Variants in PUSL1 observed in about 807,000 individuals in gnomAD.
PUSL1 encodes tRNA pseudouridine synthase-like 1.
A neutral mutation model predicts 30.7 loss-of-function variants in PUSL1; 51 were observed. That is an observed-to-expected ratio of 1.66 (90% CI 1.33 to 2.10). The LOEUF (loss-of-function observed/expected upper bound fraction) is 2.10, where lower values mean the gene tolerates loss of function less well. PUSL1 is among the 30% of genes most tolerant of loss of function. PUSL1 has a pLI of 0.00. For synonymous variants in PUSL1, 290 were observed against 192.1 expected, an observed-to-expected ratio of 1.51 and a Z score of -4.21; for missense variants, 609 against 427.6, an observed-to-expected ratio of 1.42 and a Z score of -3.74.
At chr1:1,309,998 C>T (rs1398182763) in intron 5 of PUSL1, 147 bp downstream of exon 5, 4 of 603,122 alleles carry the variant, frequency 6.6e-6, no homozygotes, top group African/African-American at 5.7e-5. Context: ...GGGATTCGCC[C>T]GGACGCCCCC....
At chr1:1,310,377 C>A in intron 5 of PUSL1, 1 of 517,282 alleles carries the variant, frequency 1.9e-6, no homozygotes, top group Non-Finnish European at 3.5e-6. Flanking sequence ...AGGGCAAGCC[C>A]CTCTGGGATG....
Position 1,308,689 on chromosome 1 carries a change from G to A in PUSL1, c.46G>A (p.Val16Met). ...ASGSVRARYL[V>M]YFQYVGTDFN... The stretch of plus-strand genomic sequence containing the variant: ...AGGCTCCGTGCGCGCGCGCTATCTT[G>A]TGTACTTCCAGTACGTGGGCACCGA... Residue 16 changes from valine (V) to methionine (M), a missense_variant, in exon 1 of 8, where the codon GTG (valine) becomes ATG (methionine). Physicochemically the swap from Val to Met is conservative, Grantham distance 21 (BLOSUM62 1). Transcript: ENST00000379031. 11 of 1,557,092 alleles carry A rather than the reference G, an allele frequency of 7.1e-6. No individual in the cohort carries two copies. The highest frequency in any genetic ancestry group is 8.7e-6 in the Non-Finnish European group (10 of 1,155,404).
At chr1:1,309,884 C>G (rs1003249853) in intron 5 of PUSL1, 33 bp downstream of exon 5, 5 of 1,445,940 alleles carry the variant, frequency 3.5e-6, no homozygotes, top group Non-Finnish European at 4.6e-6. Context: ...TGGCCCTGCC[C>G]TCAAGTCACG....
rs1054267100 is a variant in PUSL1, at chr1:1,311,414, G to A, written c.*35G>A. The A allele has an allele frequency of 1.9e-6, 3 of 1,588,690 alleles. No homozygotes were observed. The highest frequency in any genetic ancestry group is 2.7e-5 in the African/African-American group (2 of 74,728). Reference sequence around the variant, plus strand: ...CTCAAGCCAAAGTTAGGCCACACCAGGCCCAACCCTGTGCTGGTCAAGCCA... The same window carrying A: ...CTCAAGCCAAAGTTAGGCCACACCAAGCCCAACCCTGTGCTGGTCAAGCCA... On this transcript the variant is annotated 3_prime_UTR_variant, in exon 8 of 8. Transcript: ENST00000379031.
chr1:1,311,324 C>G lies in PUSL1; in HGVS notation c.863-6C>G. 6.4e-7 allele frequency: 1 copy of G among 1,567,226 alleles called. No individual in the cohort carries two copies. Among genetic ancestry groups the G allele is most frequent in the South Asian group, 1.2e-5 (1 of 85,066 alleles). ...CAGGCTGACGCAGGGTCTGGTCCGT[C>G]CACAGGTGCTGCCTCCTGCACCCTG... is the stretch of plus-strand genomic sequence containing the variant. On this transcript the variant is annotated splice_polypyrimidine_tract_variant and splice_region_variant and intron_variant, in intron 7 of 7. Coordinates refer to ENST00000379031, the MANE Select transcript of PUSL1 (RefSeq NM_153339.3).
At chr1:1,310,322 C>T (rs755808994) in intron 5 of PUSL1, 70 of 403,720 alleles carry the variant, frequency 1.7e-4, no homozygotes, top group Middle Eastern at 1.3e-3. Flanking sequence ...GCACCCGCAC[C>T]AGCCACGTTC....
Position 1,310,699 on chromosome 1 carries a change from T to C in PUSL1, c.699+11T>C. ...TTCCTGTATAGACAGGTAGGCTCTG[T>C]TCTGGGGCCGTCCCCAGGGGGTGGG... On this transcript the variant is annotated intron_variant, in intron 6 of 7. Coordinates refer to ENST00000379031, the MANE Select transcript of PUSL1 (RefSeq NM_153339.3). The C allele has an allele frequency of 1.2e-6, 2 of 1,611,834 alleles. No individual in the cohort carries two copies. The highest frequency in any genetic ancestry group is 3.3e-4 in the Middle Eastern group (2 of 6,046).
chr1:1,310,556 C>T (rs1380904836), intron 5 of PUSL1, 78 bp from the exon 6 acceptor site: 6 of 1,174,316 alleles, frequency 5.1e-6, no homozygotes, highest in Admixed American at 4.5e-5. Context: ...CCCTGTCACT[C>T]TCCCGTCCAA....
At chr1:1,310,882 T>C (rs1265207695) in intron 6 of PUSL1, 27 bp from the exon 7 acceptor site, 2 of 1,549,882 alleles carry the variant, frequency 1.3e-6, no homozygotes, top group East Asian at 4.5e-5. Context: ...CGGGCGGCTC[T>C]GGGTCACAGG....
Position 1,309,852 on chromosome 1 carries a change from G to A in PUSL1, c.644+1G>A, listed in dbSNP as rs749900714. ...CCTTGGTCACCCCCGAGGAGAGCAG[G>A]TGAGGAAGGGCCCCTGGGCTGTGGC... On this transcript the variant is annotated splice_donor_variant, in intron 5 of 7. Coordinates refer to ENST00000379031, the MANE Select transcript of PUSL1 (RefSeq NM_153339.3). LOFTEE classifies it high-confidence loss of function. 2.0e-6 allele frequency: 3 copies of A among 1,509,314 alleles called. No homozygotes were observed. The highest frequency in any genetic ancestry group is 2.5e-5 in the East Asian group (1 of 40,200). 93.5% of individuals were successfully genotyped at this position (1,509,314 alleles called of 1,614,324 possible). A position where few individuals can be genotyped will look rare whatever the true frequency, so the allele number is the denominator to read the frequency against.
At position 1,310,993 on chromosome 1, in the gene PUSL1, G is replaced by A. The variant is rs142154083; in HGVS notation, c.784G>A (p.Asp262Asn). 5.9e-4 allele frequency: 956 copies of A among 1,612,520 alleles called. 1 individual carries two copies. The highest frequency in any genetic ancestry group is 1.4e-3 in the Admixed American group (81 of 59,992). The change falls in exon 7 of 8, where the codon GAT becomes AAT. Residue 262 changes from aspartate (D) to asparagine (N), a missense_variant. Coordinates refer to ENST00000379031, the MANE Select transcript of PUSL1 (RefSeq NM_153339.3). ...GGTGAAGACGATTCTGGAGAGCCAA[G>A]ATCCCCTGGGCAAGCACCAGACACG... is the stretch of plus-strand genomic sequence containing the variant. ...AQVKTILESQDPLGKHQTRVA... is the reference protein window; with the variant it reads ...AQVKTILESQNPLGKHQTRVA...
rs201132832 is a variant in PUSL1 at position 1,311,035 on chromosome 1, G to A, written c.826G>A (p.Gly276Ser). The change falls in exon 7 of 8, where the codon GGC (glycine) becomes AGC (serine). Residue 276 changes from glycine to serine, a missense_variant. Coordinates refer to ENST00000379031, the MANE Select transcript of PUSL1 (RefSeq NM_153339.3). ...KHQTRVAPAH[G>S]LFLKSVLYGN... is the part of the protein sequence containing the mutation. ...CCAGACACGTGTAGCCCCAGCCCAC[G>A]GCTTATTCCTCAAGTCAGTGCTGTA... 23 of 1,612,108 alleles carry A rather than the reference G, an allele frequency of 1.4e-5. No homozygotes were observed. The African/African-American group carries it at 1.9e-4, about 13-fold the overall frequency.
rs1286352851 is a variant in PUSL1 at position 1,309,625 on chromosome 1, G to C, written c.473+22G>C. ...CAGAGTGAGTGTGGCCCTGACAGCG[G>C]GGAGGGGGCGGGCAGGCCGGCCCCA... On this transcript the variant is annotated intron_variant, in intron 4 of 7. Transcript: ENST00000379031. The C allele has an allele frequency of 3.1e-6, 5 of 1,598,096 alleles. No individual in the cohort carries two copies. In the Admixed American group the frequency reaches 8.4e-5, roughly 27 times the overall value.
At position 1,309,526 on chromosome 1, in the gene PUSL1, C is replaced by T. The variant is rs144956110; in HGVS notation, c.396C>T (p.Tyr132=). The change falls in exon 4 of 8, where the codon TAC becomes TAT. Residue 132 remains tyrosine, a synonymous_variant. Transcript: ENST00000379031. ...CAGCCACGTCCCGGACCTACCTGTA[C>T]CGCCTGGCCACTGGCTGTCACCGGC... The part of the protein sequence containing the change: ...RHAATSRTYL[Y]RLATGCHRRD... 1.9e-4 allele frequency: 301 copies of T among 1,611,480 alleles called. No individual in the cohort carries two copies. In the African/African-American group the frequency reaches 3.3e-3, roughly 18 times the overall value.
chr1:1,309,946 GA>G, intron 5 of PUSL1, 95 bp downstream of exon 5: 1 of 1,054,700 alleles, frequency 9.5e-7, no homozygotes. Context: ...GGTGAGGCGG[GA>G]GGCAGGCAGC....
chr1:1,309,421 C>G, intron 3 of PUSL1, 33 bp from the exon 4 acceptor site: 1 of 1,557,128 alleles, frequency 6.4e-7, no homozygotes. Context: ...CGGGCGGGGT[C>G]GTTCCTCCGG....
rs199905701 is a variant in PUSL1 at position 1,310,689 on chromosome 1, G to T, written c.699+1G>T. 3.1e-6 allele frequency: 5 copies of T among 1,609,312 alleles called. No individual in the cohort carries two copies. The highest frequency in any genetic ancestry group is 4.2e-6 in the Non-Finnish European group (5 of 1,177,250). Reference sequence around the variant, plus strand: ...GAGCCAGTCTTTCCTGTATAGACAGGTAGGCTCTGTTCTGGGGCCGTCCCC... The same window carrying T: ...GAGCCAGTCTTTCCTGTATAGACAGTTAGGCTCTGTTCTGGGGCCGTCCCC... On this transcript the variant is annotated splice_donor_variant, in intron 6 of 7. Coordinates refer to ENST00000379031, the MANE Select transcript of PUSL1 (RefSeq NM_153339.3). LOFTEE classifies it high-confidence loss of function.
chr1:1,310,718 G>T (rs781425603), intron 6 of PUSL1, 30 bp downstream of exon 6: 98 of 1,612,302 alleles, frequency 6.1e-5, no homozygotes, highest in Non-Finnish European at 6.3e-5. Flanking sequence ...CGTCCCCAGG[G>T]GGTGGGGCTG....
rs371852165 is a variant in PUSL1, at chr1:1,310,795, G to A, written c.699+107G>A. On this transcript the variant is annotated intron_variant, in intron 6 of 7. Transcript: ENST00000379031. ...GGCGGCTCTGGGTCACAGGTACGGAGGATGACGGCTGTGCTGGTGGGTCAC... is the reference window on the plus strand; with the variant it reads ...GGCGGCTCTGGGTCACAGGTACGGAAGATGACGGCTGTGCTGGTGGGTCAC... The A allele has an allele frequency of 1.1e-5, 17 of 1,609,888 alleles. No individual in the cohort carries two copies. In the African/African-American group the frequency reaches 2.1e-4, roughly 20 times the overall value.
Sources: gnomAD v4.1 joint callset for allele counts on GRCh38, gnomAD v4.1.1 for gene constraint, MANE v1.5 for transcripts, NCBI Gene and HGNC (gene_info 2026-07-23, HGNC 2026-07-21) for gene names.